SNX27: variants seen among roughly 807,000 people sequenced by gnomAD.
SNX27 encodes sorting nexin-27.
SNX27 carries 22 observed loss-of-function variants against 71.6 expected under a neutral mutation model. The observed-to-expected ratio is 0.31, with a 90% CI of 0.22 to 0.44. The LOEUF (loss-of-function observed/expected upper bound fraction) is 0.44. SNX27 is among the 20% of genes least tolerant of loss of function. The pLI is 1.00. For missense variants in SNX27, 531 were observed against 698.6 expected (o/e 0.76, Z 2.70); for synonymous variants, 269 against 277.2 (o/e 0.97, Z 0.29).
At chr1:151,616,964 G>A (rs925553437) in intron 1 of SNX27, among the ~76,000 whole-genome samples, 2 of 152,090 alleles carry the variant, frequency 1.3e-5, no homozygotes, top group Non-Finnish European at 2.9e-5. Flanking sequence ...CATGCCCAGG[G>A]TGATGCAGTA....
chr1:151,619,245 G>A (rs1358635303), intron 1 of SNX27, among the ~76,000 whole-genome samples: 1 of 152,180 alleles, frequency 6.6e-6, no homozygotes, highest in Admixed American at 6.5e-5. Context: ...GGAGGCTGAG[G>A]TGGGAGGATT....
chr1:151,684,368 A>G (rs934737716), intron 8 of SNX27, among the ~76,000 whole-genome samples: 1 of 152,234 alleles, frequency 6.6e-6, no homozygotes, highest in Admixed American at 6.5e-5. Flanking sequence ...TAGCTAGCAT[A>G]TTGGACTGTG....
Position 151,653,215 on chromosome 1 carries a change from C to T in SNX27, c.544-5020C>T, listed in dbSNP as rs139771743. ...TGCTGGGATTACAGGTGTGAGCCAC[C>T]GCACCCAGCCTTTTTTTTTGTTGTT... On this transcript the variant is annotated intron_variant, in intron 2 of 11. Transcript: ENST00000458013. Among the ~76,000 whole-genome samples, 69 of 152,026 alleles carry T rather than the reference C, an allele frequency of 4.5e-4. No individual in the cohort carries two copies. The East Asian group carries it at 0.012, about 26-fold the overall frequency.
chr1:151,648,750 T>A (rs1210463222), intron 2 of SNX27, among the ~76,000 whole-genome samples: 1 of 152,134 alleles, frequency 6.6e-6, no homozygotes, highest in South Asian at 2.1e-4. Context: ...ACTTTATTCC[T>A]TTGTGTAAAT....
Position 151,612,605 on chromosome 1 carries a change from C to A in SNX27, c.311+93C>A. On this transcript the variant is annotated intron_variant, in intron 1 of 11. Coordinates refer to ENST00000458013, the MANE Select transcript of SNX27 (RefSeq NM_001330723.2). The surrounding 1 kb of genome is among the most constrained non-coding windows in gnomAD (Gnocchi z 5.2). ...CCTTGTCACCCCCAGGCCGCACCTC[C>A]CCCGAGCTCCGAGCCGGCCTCCGGA... The A allele has an allele frequency of 9.8e-7, 1 of 1,022,026 alleles. No individual in the cohort carries two copies. The highest frequency in any genetic ancestry group is 1.3e-6 in the Non-Finnish European group (1 of 787,310). The allele number at this position is 1,022,026 out of a possible 1,614,324, so 63.3% of individuals were successfully genotyped here.
chr1:151,625,277 C>A, intron 1 of SNX27, among the ~76,000 whole-genome samples: 1 of 150,300 alleles, frequency 6.7e-6, no homozygotes, highest in South Asian at 2.1e-4. Context: ...GAGGCCGAAG[C>A]GGCAGATCAC....
intron 1 of SNX27, among the ~76,000 whole-genome samples, chr1:151,631,259 C>G (rs146529401): frequency 1.1e-4 from 16 of 152,234 alleles, no homozygotes; most frequent in Non-Finnish European, 2.2e-4. Flanking sequence ...GGAAGTGTCT[C>G]TCTTCTCATA....
intron 1 of SNX27, among the ~76,000 whole-genome samples, chr1:151,630,424 G>GT (rs1481054981): frequency 6.6e-6 from 1 of 152,014 alleles, no homozygotes; most frequent in African/African-American, 2.4e-5. Context: ...TATTTTAAAA[G>GT]TTGTTGACCA....
intron 1 of SNX27, chr1:151,613,106 A>C: frequency 6.6e-6 from 1 of 151,506 alleles, no homozygotes; most frequent in Non-Finnish European, 1.5e-5. Flanking sequence ...CCCTCTCCTC[A>C]TGGTTACGCT....
intron 2 of SNX27, among the ~76,000 whole-genome samples, chr1:151,643,913 G>T (rs534418851): frequency 4.6e-5 from 7 of 152,232 alleles, no homozygotes; most frequent in Non-Finnish European, 8.8e-5. Context: ...GCCTGCCTTG[G>T]CCTCCCAAGG....
chr1:151,691,903 G>A (rs1671470465), intron 8 of SNX27, among the ~76,000 whole-genome samples: 1 of 152,054 alleles, frequency 6.6e-6, no homozygotes, highest in Non-Finnish European at 1.5e-5. Context: ...GTTGAAAGTG[G>A]GATAAAGAAT....
At chr1:151,652,178 G>T (rs376323273) in intron 2 of SNX27, among the ~76,000 whole-genome samples, 3 of 141,618 alleles carry the variant, frequency 2.1e-5, no homozygotes, top group Non-Finnish European at 3.1e-5. Context: ...GAGGGAGACC[G>T]TGGAAAGAGA....
intron 1 of SNX27, among the ~76,000 whole-genome samples, chr1:151,624,641 A>G (rs893222797): frequency 2.0e-5 from 3 of 151,544 alleles, no homozygotes; most frequent in African/African-American, 4.9e-5. Flanking sequence ...CATATTGATC[A>G]GGTTGGTCTC....
At chr1:151,676,153 G>A (rs1023511187) in intron 7 of SNX27, 1 of 148,816 alleles carries the variant, frequency 6.7e-6, no homozygotes, top group African/African-American at 2.5e-5. Context: ...TTTATTGATT[G>A]TGTTTTTGTA....
intron 8 of SNX27, among the ~76,000 whole-genome samples, chr1:151,692,022 A>T (rs1442977252): frequency 6.6e-6 from 1 of 152,012 alleles, no homozygotes; most frequent in African/African-American, 2.4e-5. Context: ...TAACATAGGG[A>T]GACCCTGTCT....
In SNX27 at chr1:151,626,278, G is replaced by T. The variant is rs76644108; in HGVS notation, c.312-12610G>T. ...GTATGTGATTAACTTTTTTTTTTTT[G>T]TTTTTCCCTACATTTGCCAAAGATG... On this transcript the variant is annotated intron_variant, in intron 1 of 11. Transcript: ENST00000458013. 6.5e-3 allele frequency among the ~76,000 whole-genome samples: 896 copies of T among 137,172 alleles called. 7 individuals are homozygous for T. The highest frequency in any genetic ancestry group is 0.021 in the African/African-American group (722 of 33,624). The allele number at this position is 137,172 out of a possible 152,430, so 90.0% of individuals were successfully genotyped here.
rs5777782 is a variant in SNX27 at position 151,696,651 on chromosome 1, G to GTTTTTTTT, written c.*2245_*2252dup. On this transcript the variant is annotated 3_prime_UTR_variant, in exon 12 of 12. Coordinates refer to ENST00000458013, the MANE Select transcript of SNX27 (RefSeq NM_001330723.2). ...CCCCTTCCTTCCTTCCTTTTTTTCT[G>GTTTTTTTT]TTTTTTTTTTTTTTTTTTCCCAGAG... 1 of 113,680 alleles carries GTTTTTTTT rather than the reference G, an allele frequency of 8.8e-6. No individual in the cohort carries two copies. Among genetic ancestry groups the GTTTTTTTT allele is most frequent in the African/African-American group, 3.6e-5 (1 of 27,854 alleles). 7.0% of individuals were successfully genotyped at this position (113,680 alleles called of 1,614,324 possible). A position where few individuals can be genotyped will look rare whatever the true frequency, so the allele number is the denominator to read the frequency against.
chr1:151,668,474 C>A lies in SNX27; in HGVS notation c.988C>A (p.Arg330Ser). The A allele has an allele frequency of 6.2e-7, 1 of 1,608,564 alleles. No individual in the cohort carries two copies. The highest frequency in any genetic ancestry group is 1.3e-5 in the African/African-American group (1 of 74,636). ...LFEVISHSFV[R>S]KLAPNEFPHK... ...TCTGTGTTTTGTCTTTCCTTTAGTA[C>A]GTAAATTGGCACCTAATGAGTTTCC... Residue 330 changes from arginine (R) to serine (S), a missense_variant and splice_region_variant, in exon 7 of 12, where the codon CGT becomes AGT. Physicochemically the swap from Arg to Ser is moderately radical, Grantham distance 110 (BLOSUM62 -1). Transcript: ENST00000458013.
chr1:151,686,053 G>A (rs892002597), intron 8 of SNX27, among the ~76,000 whole-genome samples: 4 of 152,158 alleles, frequency 2.6e-5, no homozygotes, highest in African/African-American at 9.7e-5. Flanking sequence ...GGTGAAAAGG[G>A]CCAAATACTA....
Sources: gnomAD v4.1 joint callset for allele counts (sites outside exome capture counted in the v4.1 genomes callset) on GRCh38, gnomAD v4.1.1 for gene constraint, Gnocchi (gnomAD v3.1) non-coding constraint, MANE v1.5 for transcripts, NCBI Gene and HGNC (gene_info 2026-07-23, HGNC 2026-07-21) for gene names.